PLCZ1: variants seen among roughly 807,000 people sequenced by gnomAD.
PLCZ1 encodes the protein 1-phosphatidylinositol 4,5-bisphosphate phosphodiesterase zeta-1.
Under a neutral mutation model 76.8 loss-of-function variants are expected in PLCZ1, and 64 were observed. The ratio of observed to expected loss-of-function variants is 0.83; its 90% confidence interval spans 0.68 to 1.03. The LOEUF is 1.03. Ranked by LOEUF, PLCZ1 falls within the 50% of genes least tolerant of loss-of-function variation. The probability of loss-of-function intolerance (pLI) is 0.00; values close to 1 mark genes in which losing one functional copy is unlikely to be tolerated. For synonymous variants in PLCZ1, 248 were observed against 230.8 expected (o/e 1.07, Z -0.68); for missense variants, 751 against 713.7 (o/e 1.05, Z -0.60).
intron 5 of PLCZ1, among the ~76,000 whole-genome samples, chr12:18,716,705 T>A (rs1315026607): frequency 6.6e-6 from 1 of 152,232 alleles, no homozygotes; most frequent in Non-Finnish European, 1.5e-5. Flanking sequence ...CTTAACTTTA[T>A]TTCATCTATT....
chr12:18,660,103 G>A, the PLCZ1 span, among the ~76,000 whole-genome samples: 1 of 152,088 alleles, frequency 6.6e-6, no homozygotes, highest in Non-Finnish European at 1.5e-5. Flanking sequence ...AAATATTTTG[G>A]AATCTTGGAG....
the PLCZ1 span, among the ~76,000 whole-genome samples, chr12:18,661,712 C>A: frequency 6.6e-6 from 1 of 152,218 alleles, no homozygotes; most frequent in Middle Eastern, 3.4e-3. Context: ...GAAATTAGGT[C>A]AGCCATTGTG....
chr12:18,735,660 G>C (rs1273915088), intron 3 of PLCZ1: 1 of 152,496 alleles, frequency 6.6e-6, no homozygotes, highest in Non-Finnish European at 1.5e-5. Flanking sequence ...ATTTTATGGT[G>C]TATGATTGCT....
At chr12:18,714,809 C>A (rs577204016) in intron 5 of PLCZ1, 10 of 152,188 alleles carry the variant, frequency 6.6e-5, no homozygotes, top group African/African-American at 2.4e-4. Flanking sequence ...TGCTGCCAAA[C>A]ATTCTGCAAT....
intron 12 of PLCZ1, chr12:18,693,119 G>A: frequency 6.6e-7 from 1 of 1,520,038 alleles, no homozygotes. Context: ...TCTTGGAAGA[G>A]ATCATTGATG....
At chr12:18,723,786 A>G (rs1288844914) in intron 3 of PLCZ1, among the ~76,000 whole-genome samples, 2 of 152,132 alleles carry the variant, frequency 1.3e-5, no homozygotes, top group South Asian at 2.1e-4. Context: ...GAAAATGAGG[A>G]TTCCAGGTTG....
At chr12:18,675,711 T>C in the PLCZ1 span, among the ~76,000 whole-genome samples, 1 of 152,128 alleles carries the variant, frequency 6.6e-6, no homozygotes, top group Non-Finnish European at 1.5e-5. Context: ...AATAAAATTA[T>C]ATCTTTTGCA....
At chr12:18,667,030 C>G in the PLCZ1 span, among the ~76,000 whole-genome samples, 1 of 152,118 alleles carries the variant, frequency 6.6e-6, no homozygotes, top group Non-Finnish European at 1.5e-5. Flanking sequence ...ATGGTGTAGG[C>G]TATATCACCA....
chr12:18,721,201 T>G (rs1281682962), intron 4 of PLCZ1, among the ~76,000 whole-genome samples: 2 of 152,118 alleles, frequency 1.3e-5, no homozygotes, highest in Non-Finnish European at 2.9e-5. Flanking sequence ...GAAAATAAAC[T>G]CATTTTGTTC....
chr12:18,713,441 A>G (rs73346929), intron 5 of PLCZ1, among the ~76,000 whole-genome samples: 2,904 of 152,226 alleles, frequency 0.019, 84 homozygotes, highest in African/African-American at 0.066. Context: ...TTCTTTCCTC[A>G]TGTCAGGCTT....
chr12:18,647,437 C>A, the PLCZ1 span, among the ~76,000 whole-genome samples: 1 of 150,002 alleles, frequency 6.7e-6, no homozygotes, highest in Non-Finnish European at 1.5e-5. Context: ...ACATCTATTC[C>A]CCTGAATCTA....
At chr12:18,726,802 A>G (rs1249071933) in intron 3 of PLCZ1, among the ~76,000 whole-genome samples, 2 of 152,192 alleles carry the variant, frequency 1.3e-5, no homozygotes, top group Non-Finnish European at 2.9e-5. Flanking sequence ...AATAAAGCCT[A>G]AGTAAATTCA....
At chr12:18,660,147 G>T in the PLCZ1 span, among the ~76,000 whole-genome samples, 3 of 152,192 alleles carry the variant, frequency 2.0e-5, no homozygotes, top group Admixed American at 1.3e-4. Flanking sequence ...TTCCAGGAGA[G>T]GACCTGGATA....
At chr12:18,668,096 C>T in the PLCZ1 span, among the ~76,000 whole-genome samples, 83 of 152,300 alleles carry the variant, frequency 5.4e-4, no homozygotes, top group Middle Eastern at 3.4e-3. Flanking sequence ...AAAAGAGTCA[C>T]TGTCTTTTTC....
At chr12:18,732,528 A>G (rs1959112490) in intron 3 of PLCZ1, among the ~76,000 whole-genome samples, 1 of 152,152 alleles carries the variant, frequency 6.6e-6, no homozygotes, top group South Asian at 2.1e-4. Context: ...TATGCAACAC[A>G]ATGTTATTTA....
intron 4 of PLCZ1, among the ~76,000 whole-genome samples, chr12:18,720,910 C>A (rs1017035881): frequency 6.6e-6 from 1 of 151,872 alleles, no homozygotes; most frequent in Admixed American, 6.6e-5. Context: ...AATGTTATGA[C>A]ATCATAAAAA....
the PLCZ1 span, among the ~76,000 whole-genome samples, chr12:18,664,166 T>C: frequency 1.3e-5 from 2 of 152,188 alleles, no homozygotes; most frequent in African/African-American, 2.4e-5. Flanking sequence ...GCTTATGTAC[T>C]GTTGGTAGGA....
chr12:18,704,693 G>GA (rs1357614271), intron 7 of PLCZ1, among the ~76,000 whole-genome samples: 2 of 152,060 alleles, frequency 1.3e-5, no homozygotes, highest in Non-Finnish European at 2.9e-5. Context: ...ATGTGGACGT[G>GA]ATTTTTCAAA....
downstream of PLCZ1, among the ~76,000 whole-genome samples, chr12:18,681,640 A>G (rs749912304): frequency 2.0e-5 from 3 of 152,108 alleles, no homozygotes; most frequent in Non-Finnish European, 4.4e-5. Flanking sequence ...TCAAGACATC[A>G]TAAGATTCTT....
Sources: allele counts gnomAD v4.1 joint callset (sites outside exome capture counted in the v4.1 genomes callset), GRCh38; gene constraint gnomAD v4.1.1; transcripts MANE v1.5; gene names NCBI Gene and HGNC (gene_info 2026-07-23, HGNC 2026-07-21).